Variants in ATP2C1 observed in about 807,000 individuals in gnomAD.
ATP2C1 encodes calcium-transporting ATPase type 2C member 1.
Under a neutral mutation model 120.5 loss-of-function variants are expected in ATP2C1, and 31 were observed. The observed-to-expected ratio is 0.26, with a 90% CI of 0.19 to 0.35. The LOEUF is 0.35. Ranked by LOEUF, ATP2C1 falls within the 10% of genes least tolerant of loss-of-function variation. The probability of loss-of-function intolerance (pLI) is 1.00; values close to 1 mark genes in which losing one functional copy is unlikely to be tolerated. For missense variants in ATP2C1, 731 were observed against 1,107.5 expected (o/e 0.66, Z 4.83); for synonymous variants, 351 against 358.7 (o/e 0.98, Z 0.24).
chr3:130,954,893 G>C, intron 9 of ATP2C1, 119 bp from the exon 10 acceptor site: 1 of 740,718 alleles, frequency 1.4e-6, no homozygotes, highest in Non-Finnish European at 2.5e-6. Context: ...TCTTAGGAGT[G>C]TGTATGTTAG....
chr3:130,980,788 A>G (rs1560007930), intron 20 of ATP2C1, 109 bp downstream of exon 20: 2 of 834,422 alleles, frequency 2.4e-6, no homozygotes, highest in Non-Finnish European at 4.0e-6. Context: ...GGATTTAAAT[A>G]ACCACCAGAT....
intron 2 of ATP2C1, among the ~76,000 whole-genome samples, chr3:130,913,300 A>G (rs2058530281): frequency 1.3e-5 from 2 of 152,174 alleles, no homozygotes; most frequent in Admixed American, 1.3e-4. Flanking sequence ...TTATGAGGCA[A>G]GGTGGGTATC....
At position 130,994,427 on chromosome 3, in the gene ATP2C1, CT is replaced by C. The variant is rs556840929; in HGVS notation, c.2057+336del. On this transcript the variant is annotated intron_variant, in intron 22 of 27. Transcript: ENST00000510168. ...GTTAGAAATATGCATATGTATGGCTCTTTTTTTGGCTTTATAATAAATATTG... is the reference window on the plus strand; with the variant it reads ...GTTAGAAATATGCATATGTATGGCTCTTTTTTGGCTTTATAATAAATATTG... Among the ~76,000 whole-genome samples, 927 of 152,130 alleles carry C rather than the reference CT, an allele frequency of 6.1e-3. 7 individuals carry two copies. Among genetic ancestry groups the C allele is most frequent in the Non-Finnish European group, 9.3e-3 (632 of 67,984 alleles).
intron 12 of ATP2C1, 93 bp downstream of exon 12, chr3:130,959,434 C>A: frequency 1.3e-6 from 1 of 785,312 alleles, no homozygotes. Context: ...ATCAGTATTA[C>A]ATGGAGCCCA....
At chr3:130,941,526 T>G in intron 7 of ATP2C1, 65 bp from the exon 8 acceptor site, 2 of 1,384,036 alleles carry the variant, frequency 1.4e-6, no homozygotes, top group South Asian at 2.4e-5. Context: ...CTGGAAATAA[T>G]TTTTTAAGAC....
In ATP2C1 at chr3:131,014,033, A is replaced by T. The variant is rs368694433; in HGVS notation, c.2630-2119A>T. On this transcript the variant is annotated intron_variant, in intron 26 of 26. Transcript: ENST00000328560. Reference sequence around the variant, plus strand: ...TTTAAGTAAGGATTATATTAAATACATCTAGTTTGATGCAAACTGAGTTTT... The same window carrying T: ...TTTAAGTAAGGATTATATTAAATACTTCTAGTTTGATGCAAACTGAGTTTT... 1.1e-5 allele frequency: 16 copies of T among 1,488,320 alleles called. No individual in the cohort carries two copies. The African/African-American group carries it at 2.1e-4, about 20-fold the overall frequency. The allele number at this position is 1,488,320 out of a possible 1,614,324, so 92.2% of individuals were successfully genotyped here. A position where few individuals can be genotyped will look rare whatever the true frequency, so the allele number is the denominator to read the frequency against.
chr3:130,929,091 T>G (rs1302543874), intron 2 of ATP2C1, among the ~76,000 whole-genome samples: 2 of 152,206 alleles, frequency 1.3e-5, no homozygotes, highest in East Asian at 3.8e-4. Flanking sequence ...TGTAAAAATA[T>G]TATGCTATAA....
chr3:130,894,673 C>T lies in ATP2C1; in HGVS notation c.-97C>T. The T allele has an allele frequency of 3.1e-6, 5 of 1,612,284 alleles. No homozygotes were observed. The South Asian group carries it at 5.5e-5, about 18-fold the overall frequency. ...ACAGCCTGGGATTCCGGGGGCTTCT[C>T]TTCCTTGTCCTCCTCCTCTCCTCTC... On this transcript the variant is annotated 5_prime_UTR_variant, in exon 2 of 28. Transcript: ENST00000510168. The surrounding 1 kb of genome is among the most constrained non-coding windows in gnomAD (Gnocchi z 4.5).
At chr3:130,936,287 A>G (rs1053830775) in intron 5 of ATP2C1, among the ~76,000 whole-genome samples, 5 of 152,190 alleles carry the variant, frequency 3.3e-5, no homozygotes, top group African/African-American at 1.2e-4. Context: ...TTGAATAACC[A>G]AGTGAACCAA....
chr3:130,919,213 A>T (rs892818044), intron 2 of ATP2C1: 1 of 169,710 alleles, frequency 5.9e-6, no homozygotes, highest in Admixed American at 6.5e-5. Flanking sequence ...AGAATTTTAG[A>T]ATTTCTTTCT....
In ATP2C1 at chr3:130,967,177, A is replaced by G. The variant is rs1437474954; in HGVS notation, c.1155A>G (p.Glu385=). The part of the protein sequence containing the change: ...VTGVGYNQFG[E]VIVDGDVVHG... ...GAGTTGGCTATAATCAATTTGGGGA[A>G]GTGATTGTTGATGGTGATGTTGTTC... The change falls in exon 15 of 28, where the codon GAA becomes GAG. Residue 385 remains glutamate, a synonymous_variant. Coordinates refer to ENST00000510168, the MANE Select transcript of ATP2C1 (RefSeq NM_001378687.1). 1 of 1,613,810 alleles carries G rather than the reference A, an allele frequency of 6.2e-7. No homozygotes were observed. The highest frequency in any genetic ancestry group is 8.5e-7 in the Non-Finnish European group (1 of 1,179,774).
intron 20 of ATP2C1, 170 bp from the exon 21 acceptor site, chr3:130,992,781 T>C: frequency 1.6e-6 from 1 of 624,960 alleles, no homozygotes; most frequent in South Asian, 1.8e-5. Flanking sequence ...GAAATGACCA[T>C]GTCAGATTAA....
intron 2 of ATP2C1, among the ~76,000 whole-genome samples, chr3:130,900,146 C>T (rs1488507942): frequency 1.3e-5 from 2 of 151,974 alleles, no homozygotes; most frequent in South Asian, 2.1e-4. Context: ...CACCAAAGCC[C>T]CTAACTCCTG....
intron 2 of ATP2C1, among the ~76,000 whole-genome samples, chr3:130,913,575 C>G (rs2058545306): frequency 6.6e-6 from 1 of 152,060 alleles, no homozygotes; most frequent in African/African-American, 2.4e-5. Flanking sequence ...ATTGTTTTCT[C>G]CTTTTCCAAA....
chr3:130,855,108 T>C (rs1284775955), intron 1 of ATP2C1, among the ~76,000 whole-genome samples: 3 of 152,216 alleles, frequency 2.0e-5, no homozygotes, highest in African/African-American at 7.2e-5. Context: ...TATTGAATTC[T>C]CCATCTTCAC....
intron 16 of ATP2C1, among the ~76,000 whole-genome samples, chr3:130,968,186 G>A (rs2061138926): frequency 1.3e-5 from 2 of 152,134 alleles, no homozygotes; most frequent in South Asian, 2.1e-4. Context: ...TGGCAGAAAA[G>A]CACATTTCTG....
intron 2 of ATP2C1, among the ~76,000 whole-genome samples, chr3:130,910,907 C>A (rs1576672516): frequency 1.2e-5 from 1 of 81,182 alleles, no homozygotes; most frequent in Non-Finnish European, 2.5e-5. Flanking sequence ...GTCTAAAATT[C>A]TCTTTTTTGG....
intron 5 of ATP2C1, among the ~76,000 whole-genome samples, chr3:130,936,243 CCTTGGGGAAGATTTGGGCAAT>C (rs1414278737): frequency 1.3e-5 from 2 of 151,870 alleles, no homozygotes; most frequent in East Asian, 3.9e-4. Context: ...AATGTGGTAA[CCTTGGGGAAGATTTGGGCAAT>C]CTTGGGGAAG....
chr3:130,977,991 A>G (rs1191631357), intron 18 of ATP2C1, among the ~76,000 whole-genome samples: 2 of 152,220 alleles, frequency 1.3e-5, no homozygotes, highest in Non-Finnish European at 2.9e-5. Context: ...GAGTAGCAGC[A>G]GATTTTCACT....
Sources: gnomAD v4.1 joint callset for allele counts (sites outside exome capture counted in the v4.1 genomes callset) on GRCh38, gnomAD v4.1.1 for gene constraint, Gnocchi (gnomAD v3.1) non-coding constraint, MANE v1.5 for transcripts, NCBI Gene and HGNC (gene_info 2026-07-23, HGNC 2026-07-21) for gene names.